The following KATNAL1 variants were observed in gnomAD, a reference collection of about 807,000 sequenced individuals.
KATNAL1 encodes the protein katanin p60 ATPase-containing subunit A-like 1.
KATNAL1 carries 32 observed loss-of-function variants against 55.2 expected under a neutral mutation model. The ratio of observed to expected loss-of-function variants is 0.58; its 90% CI spans 0.44 to 0.78. The LOEUF is 0.78. Among genes scored for constraint, KATNAL1 ranks in the 30% least tolerant of loss-of-function variants. KATNAL1 has a pLI of 0.00. For missense variants in KATNAL1, 466 were observed against 600.9 expected (o/e 0.78, Z 2.35); for synonymous variants, 193 against 193.6 (o/e 1.00, Z 0.02).
At chr13:30,289,278 T>A (rs749618786) in intron 1 of KATNAL1, among the ~76,000 whole-genome samples, 1 of 152,234 alleles carries the variant, frequency 6.6e-6, no homozygotes, top group Admixed American at 6.5e-5. Context: ...TAATTGATTA[T>A]TGATGTCCTC....
At chr13:30,296,945 C>T (rs558771102) in intron 1 of KATNAL1, among the ~76,000 whole-genome samples, 35 of 152,022 alleles carry the variant, frequency 2.3e-4, no homozygotes, top group African/African-American at 8.2e-4. Context: ...CGAGCCCGCC[C>T]AGCAGCACAC....
intron 4 of KATNAL1, among the ~76,000 whole-genome samples, chr13:30,250,517 C>T (rs755519984): frequency 6.6e-6 from 1 of 152,080 alleles, no homozygotes; most frequent in Non-Finnish European, 1.5e-5. Flanking sequence ...CACTTTTCTT[C>T]AGTAGAAATA....
chr13:30,306,844 T>C (rs1883211050), intron 1 of KATNAL1: 1 of 152,278 alleles, frequency 6.6e-6, no homozygotes, highest in South Asian at 2.1e-4. Flanking sequence ...CGGCTGCTCA[T>C]CCCTGAGACT....
At chr13:30,233,345 T>C (rs1214393720) in intron 6 of KATNAL1, among the ~76,000 whole-genome samples, 1 of 151,964 alleles carries the variant, frequency 6.6e-6, no homozygotes. Flanking sequence ...GTCCAATAGA[T>C]ACATGAAAAA....
intron 1 of KATNAL1, among the ~76,000 whole-genome samples, chr13:30,303,546 CAG>C: frequency 6.6e-6 from 1 of 152,292 alleles, no homozygotes; most frequent in South Asian, 2.1e-4. Context: ...GCCTAGGTGA[CAG>C]AGTCAGACCC....
chr13:30,262,969 A>C (rs148173434), intron 3 of KATNAL1, among the ~76,000 whole-genome samples: 3,822 of 152,338 alleles, frequency 0.025, 69 homozygotes, highest in Middle Eastern at 0.054. Flanking sequence ...AAAAATCCTC[A>C]ATAAAATACT....
At chr13:30,294,199 G>A (rs1882325812) in intron 1 of KATNAL1, among the ~76,000 whole-genome samples, 1 of 152,328 alleles carries the variant, frequency 6.6e-6, no homozygotes, top group East Asian at 1.9e-4. Context: ...GGCCAGAAAT[G>A]ACTAAGCTTA....
In KATNAL1 at chr13:30,230,498, C is replaced by A; in HGVS notation, c.982G>T (p.Val328Phe). Residue 328 changes from valine to phenylalanine, a missense_variant, in exon 8 of 11, where the codon GTC becomes TTC. Transcript: ENST00000380615. ...TSDEHEASRR[V>F]KSELLIQMDG... ...ATCTGAATGAGCAGTTCAGACTTGA[C>A]CCTGCGACTTGCCTCATGTTCATCA... The A allele has an allele frequency of 1.2e-6, 2 of 1,613,432 alleles. No individual in the cohort carries two copies. The highest frequency in any genetic ancestry group is 4.5e-5 in the East Asian group (2 of 44,850).
chr13:30,222,862 G>A (rs980889384), intron 9 of KATNAL1, among the ~76,000 whole-genome samples: 1 of 152,132 alleles, frequency 6.6e-6, no homozygotes, highest in African/African-American at 2.4e-5. Flanking sequence ...GGAGGCCAAG[G>A]TGGGTGAATC....
intron 6 of KATNAL1, among the ~76,000 whole-genome samples, chr13:30,233,583 T>A: frequency 6.7e-6 from 1 of 149,326 alleles, no homozygotes; most frequent in African/African-American, 2.5e-5. Flanking sequence ...GCAATTCCAC[T>A]ACCGGGAATA....
intron 4 of KATNAL1, among the ~76,000 whole-genome samples, chr13:30,241,735 T>A (rs1877300029): frequency 6.6e-6 from 1 of 152,014 alleles, no homozygotes. Context: ...CTCCTAAACT[T>A]CAACCGGAAA....
rs1167747628 is a variant in KATNAL1, at chr13:30,274,881, GCACACACATACGCGCGCGCGCGCGCGCA to G, written c.323+5154_323+5181del. Among the ~76,000 whole-genome samples the G allele has an allele frequency of 1.5e-3, 205 of 135,590 alleles. 1 individual carries two copies. The highest frequency in any genetic ancestry group is 5.4e-3 in the African/African-American group (194 of 36,002). The allele number at this position is 135,590 out of a possible 152,430, so 89.0% of individuals were successfully genotyped here. A position where few individuals can be genotyped will look rare whatever the true frequency, so the allele number is the denominator to read the frequency against. On this transcript the variant is annotated intron_variant, in intron 3 of 10. Transcript: ENST00000380615. ...CATATATGTTGGGGGCGGGGTGTGT[GCACACACATACGCGCGCGCGCGCGCGCA>G]CACACACACACACACACACACACAC...
chr13:30,232,471 C>A (rs1376911428), intron 6 of KATNAL1, among the ~76,000 whole-genome samples: 6 of 152,136 alleles, frequency 3.9e-5, no homozygotes, highest in African/African-American at 1.4e-4. Context: ...ATTTGAAACA[C>A]TAGTTTTACA....
chr13:30,262,398 A>G (rs563441587), intron 3 of KATNAL1, among the ~76,000 whole-genome samples: 1 of 152,326 alleles, frequency 6.6e-6, no homozygotes, highest in Non-Finnish European at 1.5e-5. Context: ...TAGAGACACA[A>G]AAAACCCTTC....
chr13:30,221,452 A>T (rs1874846458), intron 9 of KATNAL1, among the ~76,000 whole-genome samples: 1 of 152,234 alleles, frequency 6.6e-6, no homozygotes, highest in African/African-American at 2.4e-5. Context: ...ATACAGTAAA[A>T]TTATTGGATA....
chr13:30,238,386 T>C (rs149160725), intron 6 of KATNAL1, among the ~76,000 whole-genome samples: 1 of 152,334 alleles, frequency 6.6e-6, no homozygotes, highest in East Asian at 1.9e-4. Flanking sequence ...TGGAAAGGGC[T>C]TGAATTCACA....
At chr13:30,270,645 G>A (rs535113150) in intron 3 of KATNAL1, among the ~76,000 whole-genome samples, 1 of 151,664 alleles carries the variant, frequency 6.6e-6, no homozygotes, top group Non-Finnish European at 1.5e-5. Flanking sequence ...CATGTGCTGT[G>A]TCCACTCAGG....
chr13:30,217,010 G>T (rs1242050722), intron 9 of KATNAL1, among the ~76,000 whole-genome samples: 5 of 151,958 alleles, frequency 3.3e-5, no homozygotes, highest in African/African-American at 1.2e-4. Context: ...GTTCGTAAGT[G>T]AGGACCTAGT....
chr13:30,295,804 T>C (rs7337261), intron 1 of KATNAL1, among the ~76,000 whole-genome samples: 114,139 of 152,096 alleles, frequency 0.75, 43,711 homozygotes, highest in African/African-American at 0.9. Context: ...TGTGAAAGAA[T>C]TGCTACTGTG....
Sources: gnomAD v4.1 joint callset for allele counts (sites outside exome capture counted in the v4.1 genomes callset) on GRCh38, gnomAD v4.1.1 for gene constraint, MANE v1.5 for transcripts, NCBI Gene and HGNC (gene_info 2026-07-23, HGNC 2026-07-21) for gene names.